Variants in THSD4 observed in about 807,000 individuals in gnomAD.
The protein encoded by THSD4 is thrombospondin type-1 domain-containing protein 4.
THSD4 carries 69 observed loss-of-function variants against 119.0 expected under a neutral mutation model. The ratio of observed to expected loss-of-function variants is 0.58; its 90% CI spans 0.48 to 0.71. The LOEUF is 0.71. Ranked by LOEUF, THSD4 falls within the 30% of genes least tolerant of loss-of-function variation. The pLI is 0.00. For synonymous variants in THSD4, 524 were observed against 540.4 expected, an observed-to-expected ratio of 0.97 and a Z score of 0.42; for missense variants, 1,393 against 1,391.1, an observed-to-expected ratio of 1.00 and a Z score of -0.02.
At chr15:71,124,822 C>T (rs985568649) in intron 1 of THSD4, among the ~76,000 whole-genome samples, 6 of 152,132 alleles carry the variant, frequency 3.9e-5, no homozygotes, top group Admixed American at 2.0e-4. Flanking sequence ...ATGAGAAGAT[C>T]GCTTGAGCCC....
Position 71,501,133 on chromosome 15 carries a change from G to A in THSD4, c.1152+89310G>A, listed in dbSNP as rs534562359. 4.5e-4 allele frequency among the ~76,000 whole-genome samples: 69 copies of A among 152,082 alleles called. 1 individual carries two copies. The South Asian group carries it at 0.012, about 27-fold the overall frequency. Reference sequence around the variant, plus strand: ...AACATGATATGTCTTTCCGTCCAGCGCAATTCTTTATATATAACAATAAGA... The same window carrying A: ...AACATGATATGTCTTTCCGTCCAGCACAATTCTTTATATATAACAATAAGA... On this transcript the variant is annotated intron_variant, in intron 7 of 17. Coordinates refer to ENST00000261862, the MANE Select transcript of THSD4 (RefSeq NM_024817.3).
chr15:71,340,276 A>G (rs1679432098), intron 6 of THSD4, among the ~76,000 whole-genome samples: 2 of 152,170 alleles, frequency 1.3e-5, no homozygotes, highest in Non-Finnish European at 2.9e-5. Context: ...TCTCGTCCCC[A>G]TTTCATAGAT....
intron 6 of THSD4, among the ~76,000 whole-genome samples, chr15:71,280,574 C>A (rs2044639444): frequency 6.6e-6 from 1 of 152,118 alleles, no homozygotes; most frequent in African/African-American, 2.4e-5. Context: ...ATTCCTTGTT[C>A]ATTCTTTATT....
intron 7 of THSD4, among the ~76,000 whole-genome samples, chr15:71,502,507 C>T (rs1407298184): frequency 2.0e-5 from 3 of 152,118 alleles, no homozygotes; most frequent in Admixed American, 2.0e-4. Context: ...ATTTAAAAAT[C>T]TGCTGAAAAT....
chr15:71,558,406 AT>A (rs2049055965), intron 7 of THSD4, among the ~76,000 whole-genome samples: 1 of 152,104 alleles, frequency 6.6e-6, no homozygotes, highest in African/African-American at 2.4e-5. Context: ...AAAGATGGCA[AT>A]TTTTTCTTGT....
chr15:71,735,884 C>G (rs965490142), intron 10 of THSD4, among the ~76,000 whole-genome samples: 8 of 149,988 alleles, frequency 5.3e-5, no homozygotes, highest in Admixed American at 3.3e-4. Flanking sequence ...CTGTCTCTGT[C>G]TCTCTGTCTC....
chr15:71,461,814 T>C (rs1452774183), intron 7 of THSD4, among the ~76,000 whole-genome samples: 1 of 151,774 alleles, frequency 6.6e-6, no homozygotes, highest in Non-Finnish European at 1.5e-5. Context: ...TTTTCTTCTC[T>C]AGTGTCTGCA....
chr15:71,705,899 G>C (rs1008727514), intron 8 of THSD4, among the ~76,000 whole-genome samples: 3 of 152,150 alleles, frequency 2.0e-5, no homozygotes, highest in African/African-American at 7.2e-5. Context: ...TCCAGAGTGG[G>C]GAGACATTAC....
chr15:71,578,338 G>A (rs2049495004), intron 7 of THSD4, among the ~76,000 whole-genome samples: 1 of 151,960 alleles, frequency 6.6e-6, no homozygotes, highest in South Asian at 2.1e-4. Flanking sequence ...GTGACTCGAG[G>A]TTTGCTAATT....
chr15:71,777,211 G>C, intron 17 of THSD4, 21 bp from the exon 18 acceptor site: 7 of 1,614,156 alleles, frequency 4.3e-6, no homozygotes, highest in Non-Finnish European at 5.9e-6. Flanking sequence ...GGAGTCTTCT[G>C]TTCATTCTCT....
At chr15:71,609,762 G>T (rs995615853) in intron 7 of THSD4, among the ~76,000 whole-genome samples, 1 of 148,646 alleles carries the variant, frequency 6.7e-6, no homozygotes, top group Admixed American at 6.8e-5. Flanking sequence ...TGAGGCAGGA[G>T]AATGGCGTGA....
At chr15:71,223,936 GAGA>G (rs1414606502) in intron 4 of THSD4, among the ~76,000 whole-genome samples, 4 of 152,320 alleles carry the variant, frequency 2.6e-5, no homozygotes, top group African/African-American at 4.8e-5. Context: ...ACACAAAGTG[GAGA>G]AGAAGTACTC....
At chr15:71,534,030 C>T (rs112107470) in intron 7 of THSD4, among the ~76,000 whole-genome samples, 1 of 152,294 alleles carries the variant, frequency 6.6e-6, no homozygotes, top group Non-Finnish European at 1.5e-5. Flanking sequence ...GTCTGTTGCC[C>T]TGGCTGGAGT....
intron 3 of THSD4, among the ~76,000 whole-genome samples, chr15:71,209,010 C>T (rs555700259): frequency 7.9e-5 from 12 of 152,276 alleles, no homozygotes; most frequent in South Asian, 2.1e-4. Context: ...GGAAGGGTCA[C>T]GGCATGGCAT....
chr15:71,152,376 C>G (rs2040731005), intron 2 of THSD4, among the ~76,000 whole-genome samples: 1 of 150,662 alleles, frequency 6.6e-6, no homozygotes, highest in South Asian at 2.1e-4. Context: ...GAGCCGAGAT[C>G]AAGCCACTGC....
chr15:71,360,566 T>C (rs1273755515), intron 6 of THSD4, among the ~76,000 whole-genome samples: 2 of 152,182 alleles, frequency 1.3e-5, no homozygotes, highest in Non-Finnish European at 2.9e-5. Context: ...AGGGTCCAGT[T>C]CTTTTGCGCA....
chr15:71,333,061 T>C (rs1426006663), intron 6 of THSD4, among the ~76,000 whole-genome samples: 3 of 151,866 alleles, frequency 2.0e-5, no homozygotes, highest in Non-Finnish European at 4.4e-5. Flanking sequence ...TCCCCCCTTT[T>C]AGGCCTCCCT....
chr15:71,241,630 ACT>A (rs2044153957), intron 4 of THSD4, among the ~76,000 whole-genome samples: 1 of 152,238 alleles, frequency 6.6e-6, no homozygotes, highest in Non-Finnish European at 1.5e-5. Flanking sequence ...ACCAGAGCTC[ACT>A]GTGTCTTCAC....
chr15:71,288,054 T>C (rs1339239934), intron 6 of THSD4, among the ~76,000 whole-genome samples: 1 of 152,206 alleles, frequency 6.6e-6, no homozygotes, highest in Non-Finnish European at 1.5e-5. Flanking sequence ...GGTGATATTT[T>C]ATACTGCAGA....
Sources: allele counts gnomAD v4.1 joint callset (sites outside exome capture counted in the v4.1 genomes callset), GRCh38; gene constraint gnomAD v4.1.1; transcripts MANE v1.5; gene names NCBI Gene and HGNC (gene_info 2026-07-23, HGNC 2026-07-21).